The following LDLRAD4 variants were observed in gnomAD, a reference collection of about 807,000 sequenced individuals.
The protein encoded by LDLRAD4 is low-density lipoprotein receptor class A domain-containing protein 4.
A neutral mutation model predicts 17.0 loss-of-function variants in LDLRAD4; 5 were observed. That is an observed-to-expected ratio of 0.29 (90% CI 0.15 to 0.62). LDLRAD4 has a LOEUF of 0.62. LDLRAD4 is among the 20% of genes least tolerant of loss of function. The pLI, the probability that LDLRAD4 is intolerant of heterozygous loss-of-function variation, is 0.84. For missense variants in LDLRAD4, 340 were observed against 424.7 expected (o/e 0.80, Z 1.75); for synonymous variants, 168 against 171.8 (o/e 0.98, Z 0.17).
chr18:13,454,119 T>C (rs2091993393), intron 3 of LDLRAD4, among the ~76,000 whole-genome samples: 1 of 152,266 alleles, frequency 6.6e-6, no homozygotes, highest in Non-Finnish European at 1.5e-5. Context: ...GCTGTCTTTC[T>C]GGCTCTGCGA....
intron 1 of LDLRAD4, among the ~76,000 whole-genome samples, chr18:13,370,410 A>G (rs1441889722): frequency 6.6e-6 from 1 of 152,196 alleles, no homozygotes; most frequent in African/African-American, 2.4e-5. Flanking sequence ...CAGGCTGAGG[A>G]TGGACCTGTG....
chr18:13,508,251 A>G (rs1212270782), intron 3 of LDLRAD4, among the ~76,000 whole-genome samples: 3 of 152,254 alleles, frequency 2.0e-5, no homozygotes, highest in African/African-American at 2.4e-5. Context: ...ATGAGGTTCA[A>G]TGAAAGAAAA....
chr18:13,575,696 T>A (rs2094759060), intron 3 of LDLRAD4, among the ~76,000 whole-genome samples: 1 of 152,252 alleles, frequency 6.6e-6, no homozygotes, highest in Non-Finnish European at 1.5e-5. Context: ...ACCAGCTGTG[T>A]AAACGTGTTC....
chr18:13,229,241 AG>A (rs1292826889), intron 1 of LDLRAD4, among the ~76,000 whole-genome samples: 3 of 152,202 alleles, frequency 2.0e-5, no homozygotes, highest in African/African-American at 7.2e-5. Flanking sequence ...GCAGTTGCTC[AG>A]TTATCCTTCT....
intron 3 of LDLRAD4, among the ~76,000 whole-genome samples, chr18:13,531,807 C>T (rs1449759361): frequency 6.6e-6 from 1 of 152,010 alleles, no homozygotes; most frequent in African/African-American, 2.4e-5. Flanking sequence ...GTTGTGCTGG[C>T]CTCAGAGACA....
intron 3 of LDLRAD4, among the ~76,000 whole-genome samples, chr18:13,453,693 G>A (rs1729143747): frequency 6.6e-6 from 1 of 152,174 alleles, no homozygotes; most frequent in Non-Finnish European, 1.5e-5. Context: ...ATGTCTTTGA[G>A]CCCCCGCTGA....
chr18:13,303,329 C>G (rs547161089), intron 1 of LDLRAD4, among the ~76,000 whole-genome samples: 2 of 152,330 alleles, frequency 1.3e-5, no homozygotes, highest in African/African-American at 4.8e-5. Context: ...TCACTGCAGC[C>G]TCAGCTCCTG....
At chr18:13,247,948 G>GA (rs2043038220) in intron 1 of LDLRAD4, among the ~76,000 whole-genome samples, 1 of 29,256 alleles carries the variant, frequency 3.4e-5, no homozygotes, top group Non-Finnish European at 7.8e-5. Context: ...TGCACACAGC[G>GA]CCGCCCCCCG....
At chr18:13,448,269 A>G (rs1026633736) in intron 3 of LDLRAD4, among the ~76,000 whole-genome samples, 1 of 152,144 alleles carries the variant, frequency 6.6e-6, no homozygotes, top group African/African-American at 2.4e-5. Context: ...AATTGTGTAT[A>G]TTAACACACT....
chr18:13,321,572 A>G (rs1331754283), intron 1 of LDLRAD4, among the ~76,000 whole-genome samples: 2 of 152,216 alleles, frequency 1.3e-5, no homozygotes, highest in African/African-American at 2.4e-5. Context: ...GGTATTAAGA[A>G]TAAACACACA....
chr18:13,233,957 G>T (rs759998817), intron 1 of LDLRAD4, among the ~76,000 whole-genome samples: 5 of 152,030 alleles, frequency 3.3e-5, no homozygotes, highest in Non-Finnish European at 7.4e-5. Flanking sequence ...ATCCTTGTCT[G>T]CCCGTGGTTC....
chr18:13,250,894 C>T (rs1032813435), intron 1 of LDLRAD4, among the ~76,000 whole-genome samples: 1 of 152,178 alleles, frequency 6.6e-6, no homozygotes, highest in Non-Finnish European at 1.5e-5. Context: ...GCCAGCATAA[C>T]CCTGACACAA....
chr18:13,265,873 C>G (rs897675981), intron 1 of LDLRAD4, among the ~76,000 whole-genome samples: 3 of 152,174 alleles, frequency 2.0e-5, no homozygotes, highest in African/African-American at 7.2e-5. Context: ...CCTCACTACT[C>G]CTGAGGTCTT....
At chr18:13,386,655 G>A (rs1358489227) in intron 1 of LDLRAD4, among the ~76,000 whole-genome samples, 2 of 152,130 alleles carry the variant, frequency 1.3e-5, no homozygotes, top group African/African-American at 4.8e-5. Flanking sequence ...CAGGCAAAAT[G>A]CTTCTATTGT....
chr18:13,561,302 CTT>C (rs1490515965), intron 3 of LDLRAD4: 1 of 152,216 alleles, frequency 6.6e-6, no homozygotes, highest in Non-Finnish European at 1.5e-5. Flanking sequence ...ACCCCTTACT[CTT>C]TTCTGGGGCA....
intron 3 of LDLRAD4, among the ~76,000 whole-genome samples, chr18:13,553,346 A>C (rs1472546074): frequency 3.3e-5 from 5 of 152,174 alleles, no homozygotes. Context: ...ACAGTACTTA[A>C]TTTGGGTGTC....
intron 3 of LDLRAD4, among the ~76,000 whole-genome samples, chr18:13,458,384 A>G (rs1053523625): frequency 6.6e-5 from 10 of 152,174 alleles, no homozygotes; most frequent in African/African-American, 2.2e-4. Flanking sequence ...TTCTGTGCGT[A>G]AATCTTTCCA....
chr18:13,632,637 T>C (rs2041770365), intron 4 of LDLRAD4, among the ~76,000 whole-genome samples: 3 of 152,224 alleles, frequency 2.0e-5, no homozygotes, highest in African/African-American at 7.2e-5. Flanking sequence ...ACAGCTCTTC[T>C]TTCCTTCTTG....
At chr18:13,302,492 A>G (rs746397137) in intron 1 of LDLRAD4, among the ~76,000 whole-genome samples, 1 of 152,200 alleles carries the variant, frequency 6.6e-6, no homozygotes, top group Non-Finnish European at 1.5e-5. Flanking sequence ...ATTTGGGGAT[A>G]GGTTAAAGGA....
Sources: allele counts gnomAD v4.1 joint callset (sites outside exome capture counted in the v4.1 genomes callset), GRCh38; gene constraint gnomAD v4.1.1; transcripts MANE v1.5; gene names NCBI Gene and HGNC (gene_info 2026-07-23, HGNC 2026-07-21).